The following BIRC6 variants were observed in gnomAD, a reference collection of about 807,000 sequenced individuals.
The protein encoded by BIRC6 is dual E2 ubiquitin-conjugating enzyme/E3 ubiquitin-protein ligase BIRC6.
A neutral mutation model predicts 503.3 loss-of-function variants in BIRC6; 98 were observed. That is an observed-to-expected ratio of 0.19 (90% CI 0.17 to 0.23). BIRC6 has a LOEUF of 0.23. BIRC6 is among the 10% of genes least tolerant of loss of function. The pLI is 1.00. For missense variants in BIRC6, 5,360 were observed against 5,806.0 expected (o/e 0.92, Z 2.50); for synonymous variants, 2,240 against 2,078.7 (o/e 1.08, Z -2.11).
In BIRC6 at chr2:32,531,557, ATAAGATTTCC is replaced by A. The variant is rs779276240; in HGVS notation, c.12291+10_12291+19del. Reference sequence around the variant, plus strand: ...ATCCAGAAGTAATTCAACAGGTAAGATAAGATTTCCTAATCGAGTATATCATTCCATAGCT... The same window carrying A: ...ATCCAGAAGTAATTCAACAGGTAAGATAATCGAGTATATCATTCCATAGCT... On this transcript the variant is annotated splice_region_variant and intron_variant, in intron 61 of 73. Transcript: ENST00000421745. 2.1e-5 allele frequency: 33 copies of A among 1,602,072 alleles called. No individual in the cohort carries two copies. The highest frequency in any genetic ancestry group is 2.5e-5 in the Non-Finnish European group (29 of 1,172,992).
chr2:32,437,141 C>T lies in BIRC6; in HGVS notation c.3631+957C>T, dbSNP rs143194659. The stretch of plus-strand genomic sequence containing the variant: ...TTGAGCCCAGCCACTCTGCCTGCCT[C>T]GGTCCCCCAAAGTGTTAGGATTGCA... On this transcript the variant is annotated intron_variant, in intron 15 of 73. Transcript: ENST00000421745. Among the ~76,000 whole-genome samples the T allele has an allele frequency of 2.7e-3, 410 of 151,794 alleles. 1 individual carries two copies. Among genetic ancestry groups the T allele is most frequent in the Non-Finnish European group, 4.5e-3 (303 of 67,888 alleles).
At chr2:32,608,480 T>C (rs1249999162) in intron 72 of BIRC6, among the ~76,000 whole-genome samples, 1 of 152,122 alleles carries the variant, frequency 6.6e-6, no homozygotes, top group East Asian at 1.9e-4. Context: ...AATGGCATGA[T>C]CTTGGCTCAC....
At chr2:32,565,164 C>T (rs2059448033) in intron 65 of BIRC6, 1 of 152,102 alleles carries the variant, frequency 6.6e-6, no homozygotes, top group African/African-American at 2.4e-5. Context: ...TCTCATAAAC[C>T]AAGTAAAATA....
At chr2:32,502,624 G>A (rs1050376447) in intron 47 of BIRC6, among the ~76,000 whole-genome samples, 171 bp from the exon 48 acceptor site, 3 of 152,096 alleles carry the variant, frequency 2.0e-5, no homozygotes, top group Non-Finnish European at 4.4e-5. Context: ...CAGGGAGATG[G>A]TTTTTTTATT....
At chr2:32,509,548 T>G in intron 51 of BIRC6, 190 bp from the exon 52 acceptor site, 1 of 649,292 alleles carries the variant, frequency 1.5e-6, no homozygotes, top group South Asian at 2.0e-5. Context: ...CCACCGTGCC[T>G]GGCCATGATT....
intron 12 of BIRC6, among the ~76,000 whole-genome samples, chr2:32,433,318 A>T (rs1218269452): frequency 1.3e-5 from 2 of 152,238 alleles, no homozygotes; most frequent in Non-Finnish European, 2.9e-5. Context: ...TTTGAAATGA[A>T]GATTCTGGGA....
intron 34 of BIRC6, among the ~76,000 whole-genome samples, chr2:32,477,137 T>A (rs2049856559): frequency 6.6e-6 from 1 of 152,210 alleles, no homozygotes; most frequent in Non-Finnish European, 1.5e-5. Context: ...CTGTAGAATT[T>A]CACTTTTCTG....
chr2:32,483,146 A>C (rs2050603785), intron 39 of BIRC6, among the ~76,000 whole-genome samples: 3 of 152,028 alleles, frequency 2.0e-5, no homozygotes, highest in African/African-American at 7.2e-5. Flanking sequence ...CGAACTTGTG[A>C]CCTCAAATGA....
intron 1 of BIRC6, among the ~76,000 whole-genome samples, chr2:32,358,091 C>T (rs1026753758): frequency 6.6e-6 from 1 of 151,208 alleles, no homozygotes; most frequent in African/African-American, 2.4e-5. Flanking sequence ...GTAGGCGGGC[C>T]AGCTGCCTGA....
intron 22 of BIRC6, 101 bp downstream of exon 22, chr2:32,449,029 A>G: frequency 3.5e-6 from 4 of 1,149,166 alleles, no homozygotes; most frequent in East Asian, 2.5e-5. Flanking sequence ...TGTCTTTAGA[A>G]AACTAAAATT....
intron 40 of BIRC6, among the ~76,000 whole-genome samples, chr2:32,486,817 A>G (rs568335568): frequency 6.1e-4 from 93 of 152,328 alleles, no homozygotes; most frequent in African/African-American, 2.1e-3. Flanking sequence ...CTAGTGTTCT[A>G]TAATCTCAGT....
At chr2:32,535,654 C>T (rs1572873980) in intron 61 of BIRC6, among the ~76,000 whole-genome samples, 1 of 152,198 alleles carries the variant, frequency 6.6e-6, no homozygotes, top group Non-Finnish European at 1.5e-5. Context: ...TTTATGGCTG[C>T]ATAGTATTCC....
intron 13 of BIRC6, among the ~76,000 whole-genome samples, chr2:32,434,770 G>C (rs1434596132): frequency 6.6e-6 from 1 of 152,132 alleles, no homozygotes; most frequent in Non-Finnish European, 1.5e-5. Context: ...TGAGGCAGGA[G>C]GATCACTTGA....
At chr2:32,505,688 G>A (rs1195297146) in intron 50 of BIRC6, among the ~76,000 whole-genome samples, 1 of 152,064 alleles carries the variant, frequency 6.6e-6, no homozygotes, top group Non-Finnish European at 1.5e-5. Flanking sequence ...TGTGTTTATT[G>A]TAATATGTCA....
At chr2:32,385,214 C>G (rs1329342521) in intron 3 of BIRC6, among the ~76,000 whole-genome samples, 1 of 152,176 alleles carries the variant, frequency 6.6e-6, no homozygotes, top group East Asian at 1.9e-4. Flanking sequence ...AAATCAGGGC[C>G]AAGAGTATTT....
At chr2:32,615,314 C>G (rs1028620755) in intron 73 of BIRC6, among the ~76,000 whole-genome samples, 1 of 152,190 alleles carries the variant, frequency 6.6e-6, no homozygotes, top group Non-Finnish European at 1.5e-5. Context: ...TTTCTTTCTC[C>G]TTCCCTGGTT....
intron 26 of BIRC6, among the ~76,000 whole-genome samples, chr2:32,466,261 A>G (rs1472510775): frequency 6.6e-6 from 1 of 152,226 alleles, no homozygotes. Context: ...ACAATAAGGA[A>G]GAAAAAGAAT....
chr2:32,522,944 C>A (rs2055891136), intron 57 of BIRC6: 3 of 152,208 alleles, frequency 2.0e-5, no homozygotes, highest in Non-Finnish European at 4.4e-5. Context: ...TCTAGGGTGA[C>A]AACTAGGTTG....
At chr2:32,554,155 C>G (rs2058627369) in intron 65 of BIRC6, among the ~76,000 whole-genome samples, 1 of 152,052 alleles carries the variant, frequency 6.6e-6, no homozygotes, top group South Asian at 2.1e-4. Context: ...TAGTATGTTC[C>G]TTTTTTGAGA....
Sources: allele counts gnomAD v4.1 joint callset (sites outside exome capture counted in the v4.1 genomes callset), GRCh38; gene constraint gnomAD v4.1.1; transcripts MANE v1.5; gene names NCBI Gene and HGNC (gene_info 2026-07-23, HGNC 2026-07-21).